The following PARL variants were observed in gnomAD, a reference collection of about 807,000 sequenced individuals.
PARL encodes the protein presenilin associated rhomboid like, also known as presenilin-associated rhomboid-like protein, mitochondrial.
Under a neutral mutation model 51.6 loss-of-function variants are expected in PARL, and 44 were observed. The observed-to-expected ratio is 0.85, with a 90% CI of 0.67 to 1.10. The LOEUF (loss-of-function observed/expected upper bound fraction) is 1.10, where lower values mean the gene tolerates loss of function less well. Ranked by LOEUF, PARL falls within the 50% of genes least tolerant of loss-of-function variation. PARL has a pLI of 0.00. For synonymous variants in PARL, 172 were observed against 164.0 expected (o/e 1.05, Z -0.37); for missense variants, 441 against 469.5 (o/e 0.94, Z 0.56).
At chr3:183,828,604 C>A (rs779246617), downstream of PARL, among the ~76,000 whole-genome samples, 6 of 152,174 alleles carry the variant, frequency 3.9e-5, no homozygotes, top group Non-Finnish European at 7.3e-5. Context: ...ATGTGCTGGG[C>A]GCGTGCTGCC....
chr3:183,855,618 C>T (rs1172181889), intron 4 of PARL, among the ~76,000 whole-genome samples: 2 of 152,186 alleles, frequency 1.3e-5, no homozygotes, highest in African/African-American at 4.8e-5. Flanking sequence ...AGTAATTACA[C>T]AACTTATCAA....
At chr3:183,862,563 C>A (rs56194940) in intron 4 of PARL, 190 bp downstream of exon 4, 18 of 576,006 alleles carry the variant, frequency 3.1e-5, no homozygotes, top group South Asian at 2.1e-5. Flanking sequence ...TAGAAAGTAA[C>A]GGACCCAGAG....
At chr3:183,845,251 C>T (rs1037448247) in intron 4 of PARL, among the ~76,000 whole-genome samples, 14 of 152,124 alleles carry the variant, frequency 9.2e-5, no homozygotes, top group African/African-American at 2.7e-4. Context: ...ATCTACATCT[C>T]GGTGTTACCT....
At position 183,842,364 on chromosome 3, in the gene PARL, T is replaced by G; in HGVS notation, c.691A>C (p.Ser231Arg). ...ATGTTCACTATGCTGGAAGAGAAGCTCCACAAAACATACATATTTGCTGCC... is the reference window on the plus strand; with the variant it reads ...ATGTTCACTATGCTGGAAGAGAAGCGCCACAAAACATACATATTTGCTGCC... ...HMAANMYVLW[S>R]FSSSIVNILG... The change falls in exon 6 of 10, where the codon AGC (serine) becomes CGC (arginine). Residue 231 changes from serine (S) to arginine (R), a missense_variant. By Grantham distance (110) the Ser-to-Arg change is moderately radical (BLOSUM62 -1). Coordinates refer to ENST00000317096, the MANE Select transcript of PARL (RefSeq NM_018622.7). 2 of 1,613,774 alleles carry G rather than the reference T, an allele frequency of 1.2e-6. No individual in the cohort carries two copies. Among genetic ancestry groups the G allele is most frequent in the Non-Finnish European group, 8.5e-7 (1 of 1,179,874 alleles).
Position 183,840,641 on chromosome 3 carries a change from C to G in PARL, c.758-1G>C. 6.7e-7 allele frequency: 1 copy of G among 1,493,092 alleles called. No homozygotes were observed. The allele number at this position is 1,493,092 out of a possible 1,614,324, so 92.5% of individuals were successfully genotyped here. A position where few individuals can be genotyped will look rare whatever the true frequency, so the allele number is the denominator to read the frequency against. On this transcript the variant is annotated splice_acceptor_variant, in intron 6 of 9. Transcript: ENST00000317096. LOFTEE classifies it high-confidence loss of function. ...TAACTGACAAAATTGGAAATAACAC[C>G]TGAAAAACAAGTCACATTACAATAA...
intron 9 of PARL, among the ~76,000 whole-genome samples, chr3:183,831,043 C>T (rs1727877796): frequency 6.6e-6 from 1 of 152,198 alleles, no homozygotes; most frequent in South Asian, 2.1e-4. Flanking sequence ...GTGGCGTGAT[C>T]TCAGCTCACT....
chr3:183,838,034 T>TTG (rs1728843897), intron 7 of PARL, among the ~76,000 whole-genome samples: 1 of 151,690 alleles, frequency 6.6e-6, no homozygotes, highest in Admixed American at 6.6e-5. Flanking sequence ...TTCTTTTTTT[T>TTG]TTTTTGAGAT....
chr3:183,853,741 C>G (rs892554391), intron 4 of PARL, among the ~76,000 whole-genome samples: 4 of 152,152 alleles, frequency 2.6e-5, no homozygotes, highest in African/African-American at 9.7e-5. Context: ...TCACACTCAT[C>G]AAGATGGCTA....
At chr3:183,862,995 A>C (rs983232840) in intron 3 of PARL, among the ~76,000 whole-genome samples, 194 bp from the exon 4 acceptor site, 1 of 152,220 alleles carries the variant, frequency 6.6e-6, no homozygotes, top group Non-Finnish European at 1.5e-5. Context: ...CATTCTCCAC[A>C]CAGAACCAAC....
rs1490233561 is a variant in PARL at position 183,866,573 on chromosome 3, G to GT, written c.462+51dup. The GT allele has an allele frequency of 3.3e-6, 5 of 1,503,112 alleles. No individual in the cohort carries two copies. In the Admixed American group the frequency reaches 6.7e-5, roughly 20 times the overall value. The allele number at this position is 1,503,112 out of a possible 1,614,324, so 93.1% of individuals were successfully genotyped here. On this transcript the variant is annotated intron_variant, in intron 3 of 9. Transcript: ENST00000317096. ...AAACACGTGCATCTATTAAGTATCA[G>GT]TTTTTTAAAACCGTGATTAACTAGA...
At chr3:183,880,487 C>T (rs1442715625) in intron 1 of PARL, among the ~76,000 whole-genome samples, 1 of 151,976 alleles carries the variant, frequency 6.6e-6, no homozygotes, top group African/African-American at 2.4e-5. Flanking sequence ...CTGCAACCTC[C>T]GCTTCCCGGG....
intron 1 of PARL, among the ~76,000 whole-genome samples, chr3:183,874,867 T>C (rs1560430860): frequency 6.6e-6 from 1 of 151,796 alleles, no homozygotes; most frequent in Non-Finnish European, 1.5e-5. Flanking sequence ...AGTTCAGGAG[T>C]TTGAAACCAA....
intron 7 of PARL, among the ~76,000 whole-genome samples, chr3:183,834,637 T>C (rs73175398): frequency 1.3e-5 from 2 of 152,266 alleles, no homozygotes; most frequent in South Asian, 2.1e-4. Context: ...TCCATGATCT[T>C]GAGTGTGGTG....
intron 1 of PARL, among the ~76,000 whole-genome samples, chr3:183,880,470 C>T (rs529914966): frequency 1.1e-4 from 17 of 152,172 alleles, no homozygotes; most frequent in African/African-American, 1.9e-4. Context: ...GCCGTGATCT[C>T]GGCTCACTGC....
At chr3:183,868,924 T>C (rs1732848303) in intron 1 of PARL, among the ~76,000 whole-genome samples, 1 of 152,318 alleles carries the variant, frequency 6.6e-6, no homozygotes, top group Non-Finnish European at 1.5e-5. Flanking sequence ...TGTGAGCTGT[T>C]ACCCCAACAG....
Position 183,829,560 on chromosome 3 carries a change from G to A in PARL, c.*38C>T. 7 of 1,614,148 alleles carry A rather than the reference G, an allele frequency of 4.3e-6. No individual in the cohort carries two copies. Among genetic ancestry groups the A allele is most frequent in the Non-Finnish European group, 5.1e-6 (6 of 1,180,034 alleles). On this transcript the variant is annotated 3_prime_UTR_variant, in exon 10 of 10. Transcript: ENST00000317096. The stretch of plus-strand genomic sequence containing the variant: ...CGATGTCTCCTGGGGCTCTCAGGCG[G>A]CAAGGACCAGATGCACCACTACTGT...
At position 183,833,503 on chromosome 3, in the gene PARL, A is replaced by G. The variant is rs201315624; in HGVS notation, c.1017T>C (p.Ala339=). The G allele has an allele frequency of 1.8e-4, 288 of 1,606,018 alleles. 2 individuals are homozygous for G. The Admixed American group carries it at 2.6e-3, about 15-fold the overall frequency. Residue 339 remains alanine (A), a synonymous_variant, in exon 9 of 10, where the codon GCT becomes GCC. Transcript: ENST00000317096. The stretch of plus-strand genomic sequence containing the variant: ...ACACTCAAACTTACATTCCAAAAAG[A>G]GCTCCCCCAAGATGTGCCGCATGAT... ...FFDHAAHLGG[A]LFGIWYVTYG... is the part of the protein sequence containing the mutation.
At chr3:183,873,005 T>A (rs1044432232) in intron 1 of PARL, among the ~76,000 whole-genome samples, 6 of 152,190 alleles carry the variant, frequency 3.9e-5, no homozygotes, top group Admixed American at 1.3e-4. Flanking sequence ...AACCATCAGT[T>A]TATTTACTGC....
At chr3:183,841,057 A>G (rs984446165) in intron 6 of PARL, among the ~76,000 whole-genome samples, 4 of 152,126 alleles carry the variant, frequency 2.6e-5, no homozygotes, top group Non-Finnish European at 4.4e-5. Flanking sequence ...TCCACTTCTC[A>G]GTTACCATTT....
Sources: allele counts gnomAD v4.1 joint callset (sites outside exome capture counted in the v4.1 genomes callset), GRCh38; gene constraint gnomAD v4.1.1; transcripts MANE v1.5; gene names NCBI Gene and HGNC (gene_info 2026-07-23, HGNC 2026-07-21).